The following NCOA3 variants were observed in gnomAD, a reference collection of about 807,000 sequenced individuals.
The protein encoded by NCOA3 is CBP-interacting protein.
A neutral mutation model predicts 158.8 loss-of-function variants in NCOA3; 51 were observed. That is an observed-to-expected ratio of 0.32 (90% CI 0.26 to 0.41). The LOEUF (loss-of-function observed/expected upper bound fraction) is 0.41, where lower values mean the gene tolerates loss of function less well. NCOA3 is among the 10% of genes least tolerant of loss of function. The probability of loss-of-function intolerance (pLI) is 1.00; values close to 1 mark genes in which losing one functional copy is unlikely to be tolerated. For missense variants in NCOA3, 1,510 were observed against 1,746.6 expected (o/e 0.86, Z 2.41); for synonymous variants, 537 against 592.4 (o/e 0.91, Z 1.36).
At chr20:47,519,793 C>T (rs1419979802) in intron 1 of NCOA3, among the ~76,000 whole-genome samples, 3 of 151,754 alleles carry the variant, frequency 2.0e-5, no homozygotes, top group Non-Finnish European at 2.9e-5. Context: ...GAGAGAGTCT[C>T]GCTGTGTTGC....
At chr20:47,642,854 G>A (rs627601) in intron 17 of NCOA3, among the ~76,000 whole-genome samples, 10,331 of 152,110 alleles carry the variant, frequency 0.068, 450 homozygotes, top group Non-Finnish European at 0.097. Context: ...TACATACCCC[G>A]CCTTATGAAA....
chr20:47,623,818 A>G (rs953288113), intron 3 of NCOA3, 93 bp from the exon 4 acceptor site: 6 of 1,169,810 alleles, frequency 5.1e-6, no homozygotes, highest in Non-Finnish European at 6.0e-6. Flanking sequence ...GTAATCATGT[A>G]ATAGTGTTGT....
chr20:47,649,240 G>A (rs766958090), intron 19 of NCOA3, 131 bp downstream of exon 19: 18 of 549,612 alleles, frequency 3.3e-5, no homozygotes, highest in South Asian at 2.2e-4. Context: ...GAAAGCAGTC[G>A]CATTAAAGAC....
chr20:47,594,436 G>T (rs2085709015), intron 2 of NCOA3, among the ~76,000 whole-genome samples: 2 of 152,022 alleles, frequency 1.3e-5, no homozygotes, highest in Admixed American at 1.3e-4. Flanking sequence ...GCCTAGGTGG[G>T]CAGATCACTT....
intron 14 of NCOA3, 39 bp downstream of exon 14, chr20:47,639,241 A>C (rs775315733): frequency 6.6e-7 from 1 of 1,521,480 alleles, no homozygotes; most frequent in African/African-American, 1.4e-5. Flanking sequence ...TTATTTTGGG[A>C]AAAGCATATT....
chr20:47,550,708 T>A (rs2084915923), intron 1 of NCOA3, among the ~76,000 whole-genome samples: 1 of 152,170 alleles, frequency 6.6e-6, no homozygotes, highest in South Asian at 2.1e-4. Flanking sequence ...TTGAATGACA[T>A]CGCTTTCACA....
At position 47,641,057 on chromosome 20, in the gene NCOA3, AATTT is replaced by A. The variant is rs1217709593; in HGVS notation, c.3080+1011_3080+1014del. ...GAGCAGACAGTGATGTAACTATATG[AATTT>A]ATTTGAGTGCTTCTCTACTCTATAT... On this transcript the variant is annotated intron_variant, in intron 16 of 22. Transcript: ENST00000371998. Among the ~76,000 whole-genome samples, 6 of 152,222 alleles carry A rather than the reference AATTT, an allele frequency of 3.9e-5. No homozygotes were observed. In the East Asian group the frequency reaches 1.2e-3, roughly 29 times the overall value.
intron 1 of NCOA3, among the ~76,000 whole-genome samples, chr20:47,539,517 GAGCA>G (rs2084688641): frequency 6.6e-6 from 1 of 152,080 alleles, no homozygotes; most frequent in Non-Finnish European, 1.5e-5. Flanking sequence ...TTTATTTATT[GAGCA>G]CACACTGAAT....
At chr20:47,633,215 T>TA (rs1240685576) in intron 8 of NCOA3, among the ~76,000 whole-genome samples, 4 of 152,192 alleles carry the variant, frequency 2.6e-5, no homozygotes, top group Admixed American at 6.5e-5. Flanking sequence ...AATACTTTTA[T>TA]TACTCAGGAA....
intron 20 of NCOA3, 66 bp downstream of exon 20, chr20:47,651,342 A>G (rs2086792053): frequency 1.3e-6 from 2 of 1,528,036 alleles, no homozygotes; most frequent in African/African-American, 1.4e-5. Context: ...GCTTCATTAC[A>G]TTTATTGCAC....
chr20:47,511,550 T>TATATATATGCACACACACATACAC, intron 1 of NCOA3, among the ~76,000 whole-genome samples: 1 of 52,270 alleles, frequency 1.9e-5, no homozygotes, highest in Admixed American at 3.2e-4. Flanking sequence ...TATATATATA[T>TATATATATGCACACACACATACAC]ATATATTTCT....
intron 1 of NCOA3, among the ~76,000 whole-genome samples, chr20:47,518,592 CT>C (rs2146074997): frequency 6.6e-6 from 1 of 151,576 alleles, no homozygotes; most frequent in Admixed American, 6.6e-5. Context: ...AGCCTGGCTA[CT>C]TTTGTATTTT....
rs1343682463 is a variant in NCOA3 at position 47,505,911 on chromosome 20, C to T, written c.-99+3892C>T. ...CTGCCTCCCAGGTTCAAGCGATTCT[C>T]GTGCTTCAGCCCCTGCCCGAGTAGC... On this transcript the variant is annotated intron_variant, in intron 1 of 22. Transcript: ENST00000371998. 1.3e-5 allele frequency among the ~76,000 whole-genome samples: 2 copies of T among 150,056 alleles called. 1 individual carries two copies. The highest frequency in any genetic ancestry group is 2.9e-5 in the Non-Finnish European group (2 of 67,844).
At chr20:47,617,016 G>T (rs1429374909) in intron 2 of NCOA3, among the ~76,000 whole-genome samples, 1 of 152,048 alleles carries the variant, frequency 6.6e-6, no homozygotes, top group African/African-American at 2.4e-5. Flanking sequence ...GTGCAGTGGC[G>T]CGGTCTTGGC....
intron 1 of NCOA3, among the ~76,000 whole-genome samples, chr20:47,525,755 C>T (rs1173682031): frequency 6.9e-5 from 7 of 101,316 alleles, no homozygotes; most frequent in African/African-American, 9.4e-5. Context: ...GCTGGCCGGG[C>T]GGGGGGCTGA....
intron 2 of NCOA3, among the ~76,000 whole-genome samples, chr20:47,607,271 T>C (rs1355101585): frequency 6.6e-6 from 1 of 152,156 alleles, no homozygotes; most frequent in Non-Finnish European, 1.5e-5. Context: ...GAAAACAGAG[T>C]AGAAGTTACC....
intron 1 of NCOA3, among the ~76,000 whole-genome samples, chr20:47,538,895 G>A (rs2084677616): frequency 1.3e-5 from 2 of 152,198 alleles, no homozygotes. Flanking sequence ...TTCAGAAACT[G>A]GAGAAGATGT....
At chr20:47,624,347 TG>T (rs1320290474) in intron 4 of NCOA3, among the ~76,000 whole-genome samples, 2 of 152,212 alleles carry the variant, frequency 1.3e-5, no homozygotes, top group Non-Finnish European at 2.9e-5. Flanking sequence ...TGGATCCATC[TG>T]GGGGTAATGG....
intron 2 of NCOA3, among the ~76,000 whole-genome samples, chr20:47,592,837 C>T (rs1248797906): frequency 6.6e-6 from 1 of 152,202 alleles, no homozygotes; most frequent in East Asian, 1.9e-4. Flanking sequence ...TTTAAGTATC[C>T]TGAAGTCAGT....
Sources: gnomAD v4.1 joint callset for allele counts (sites outside exome capture counted in the v4.1 genomes callset) on GRCh38, gnomAD v4.1.1 for gene constraint, MANE v1.5 for transcripts, NCBI Gene and HGNC (gene_info 2026-07-23, HGNC 2026-07-21) for gene names.